Variants in STRC observed in about 807,000 individuals in gnomAD.
The protein encoded by STRC is stereocilin.
STRC carries 43 observed loss-of-function variants against 103.5 expected under a neutral mutation model. The observed-to-expected ratio is 0.42, with a 90% CI of 0.33 to 0.54. The LOEUF is 0.54. STRC is among the 20% of genes least tolerant of loss of function. The pLI is 0.14. For synonymous variants in STRC, 186 were observed against 442.3 expected, an observed-to-expected ratio of 0.42 and a Z score of 7.27; for missense variants, 499 against 1,088.5, an observed-to-expected ratio of 0.46 and a Z score of 7.62.
chr15:43,601,685 A>G, intron 23 of STRC, 134 bp from the exon 24 acceptor site: 2 of 920,748 alleles, frequency 2.2e-6, no homozygotes, highest in South Asian at 1.4e-5. Context: ...AGTTTCCTCC[A>G]CTATAAAATG....
chr15:43,600,381 T>C (rs1325393725), intron 26 of STRC, 88 bp from the exon 27 acceptor site: 1 of 1,017,444 alleles, frequency 9.8e-7, no homozygotes, highest in African/African-American at 1.6e-5. Context: ...ACTCCCAAAG[T>C]GCCCTATCAT....
At chr15:43,603,481 AGAGT>A (rs1272491351) in intron 22 of STRC, 70 bp from the exon 23 acceptor site, 3 of 1,520,292 alleles carry the variant, frequency 2.0e-6, no homozygotes, top group Non-Finnish European at 2.7e-6. Flanking sequence ...ATCTGTAGAT[AGAGT>A]GAGTCTTCCA....
chr15:43,609,469 C>T, intron 15 of STRC, 135 bp from the exon 16 acceptor site: 2 of 739,014 alleles, frequency 2.7e-6, no homozygotes, highest in Non-Finnish European at 4.8e-6. Context: ...CTCCCACTCT[C>T]CCAGATGCCC....
Position 43,614,330 on chromosome 15 carries a change from TG to T in STRC, c.2197-19del, listed in dbSNP as rs754806691. On this transcript the variant is annotated intron_variant, in intron 5 of 28. Coordinates refer to ENST00000450892, the MANE Select transcript of STRC (RefSeq NM_153700.2). ...AGGTACGCCTGCGAATAGGAGGTCA[TG>T]GTGGGTATGGCCTCACCTCACGGGG... 2.3e-5 allele frequency: 9 copies of T among 384,278 alleles called. 3 individuals are homozygous for T. The highest frequency in any genetic ancestry group is 2.0e-4 in the South Asian group (9 of 44,000). 23.8% of individuals were successfully genotyped at this position (384,278 alleles called of 1,614,324 possible). A position where few individuals can be genotyped will look rare whatever the true frequency, so the allele number is the denominator to read the frequency against.
intron 26 of STRC, 96 bp from the exon 27 acceptor site, chr15:43,600,389 C>G: frequency 8.2e-7 from 1 of 1,226,556 alleles, no homozygotes; most frequent in South Asian, 1.3e-5. Flanking sequence ...AGTGCCCTAT[C>G]ATAGACCTTC....
rs2085651141 is a variant in STRC at position 43,599,856 on chromosome 15, C to G, written c.5240-96G>C. 1.4e-5 allele frequency: 8 copies of G among 584,958 alleles called. No homozygotes were observed. In the Middle Eastern group the frequency reaches 3.0e-3, roughly 217 times the overall value. 36.2% of individuals were successfully genotyped at this position (584,958 alleles called of 1,614,324 possible). A position where few individuals can be genotyped will look rare whatever the true frequency, so the allele number is the denominator to read the frequency against. On this transcript the variant is annotated intron_variant, in intron 28 of 28. Coordinates refer to ENST00000450892, the MANE Select transcript of STRC (RefSeq NM_153700.2). ...CGCTCTGCCTGTAGACTCCTTCACTCCAGGGATCTCCCTGGGTGCACTCTA... is the reference window on the plus strand; with the variant it reads ...CGCTCTGCCTGTAGACTCCTTCACTGCAGGGATCTCCCTGGGTGCACTCTA...
rs937245494 is a variant in STRC at position 43,602,982 on chromosome 15, T to G, written c.4545+260A>C. 9.9e-5 allele frequency among the ~76,000 whole-genome samples: 15 copies of G among 151,604 alleles called. 1 individual carries two copies. Among genetic ancestry groups the G allele is most frequent in the African/African-American group, 3.6e-4 (15 of 41,214 alleles). On this transcript the variant is annotated intron_variant, in intron 23 of 28. Coordinates refer to ENST00000450892, the MANE Select transcript of STRC (RefSeq NM_153700.2). ...TATTTTTTTAAGAAAGAAAAAAAAA[T>G]AAAGAAAAAAATCTGTTCCCTTGAT...
At chr15:43,603,617 G>A (rs2085690130) in intron 22 of STRC, 2 of 663,860 alleles carry the variant, frequency 3.0e-6, no homozygotes, top group Non-Finnish European at 5.2e-6. Context: ...TTTTATAGAT[G>A]GAAGACTGAG....
rs887672408 is a variant in STRC, at chr15:43,611,202, A to T, written c.3252T>A (p.Pro1084=). The T allele has an allele frequency of 8.5e-7, 1 of 1,181,432 alleles. No homozygotes were observed. The highest frequency in any genetic ancestry group is 1.5e-5 in the African/African-American group (1 of 64,780). The allele number at this position is 1,181,432 out of a possible 1,614,324, so 73.2% of individuals were successfully genotyped here. Residue 1084 remains proline (P), a synonymous_variant, in exon 13 of 29, where the codon CCT becomes CCA. Transcript: ENST00000450892. The part of the protein sequence containing the change: ...VLVGACSCLA[P]ELSRLSACQT... ...GGCAGGCTGAGAGGCGTGACAGTTC[A>T]GGGGCCAGGCAGGAACAAGCCCCGA...
At chr15:43,608,748 C>G (rs1389692932) in intron 16 of STRC, among the ~76,000 whole-genome samples, 1 of 141,268 alleles carries the variant, frequency 7.1e-6, no homozygotes, top group East Asian at 2.1e-4. Flanking sequence ...AAAAAAGATT[C>G]TGAAGCCCAT....
Position 43,601,400 on chromosome 15 carries a change from G to C in STRC, c.4697C>G (p.Thr1566Ser). The change falls in exon 24 of 29, where the codon ACT becomes AGT. Residue 1566 changes from threonine (T) to serine (S), a missense_variant. Physicochemically the swap from Thr to Ser is moderately conservative, Grantham distance 58. Transcript: ENST00000450892. ...TLGQIDGWST[T>S]QLRIVVSSFL... ...AGGGAGGAGGAAAAGTGTTACCTGA[G>C]TGGTGCTCCAGCCATCTATCTGCCC... 2 of 1,613,410 alleles carry C rather than the reference G, an allele frequency of 1.2e-6. No individual in the cohort carries two copies. Among genetic ancestry groups the C allele is most frequent in the African/African-American group, 1.3e-5 (1 of 74,946 alleles).
At chr15:43,602,932 G>A (rs1030304779) in intron 23 of STRC, among the ~76,000 whole-genome samples, 11 of 151,080 alleles carry the variant, frequency 7.3e-5, no homozygotes, top group Non-Finnish European at 1.0e-4. Flanking sequence ...GGCGTGAGCC[G>A]CTGCACCCAG....
chr15:43,607,020 A>G (rs2085715352), intron 18 of STRC, among the ~76,000 whole-genome samples: 1 of 150,608 alleles, frequency 6.6e-6, no homozygotes, highest in Non-Finnish European at 1.5e-5. Flanking sequence ...AAAAAGAAAA[A>G]AAAGAAAAAA....
intron 22 of STRC, 183 bp from the exon 23 acceptor site, chr15:43,603,594 G>A (rs1244629751): frequency 2.8e-6 from 2 of 725,266 alleles, no homozygotes; most frequent in African/African-American, 3.5e-5. Flanking sequence ...GAAGTGATTG[G>A]AGATGCCAAG....
At position 43,609,330 on chromosome 15, in the gene STRC, T is replaced by C. The variant is rs1294542942; in HGVS notation, c.3503A>G (p.Gln1168Arg). 2 of 1,608,740 alleles carry C rather than the reference T, an allele frequency of 1.2e-6. No individual in the cohort carries two copies. The highest frequency in any genetic ancestry group is 1.7e-5 in the Admixed American group (1 of 59,838). The part of the protein sequence containing the change: ...WELPWSEQQA[Q>R]FLWKKMQVPT... ...TACTTGCATCTTCTTCCAGAGAAAC[T>C]GTGCCTACAAGAGAAAGAAAGACGA... The change falls in exon 16 of 29, where the codon CAG becomes CGG. Residue 1168 changes from glutamine (Q) to arginine (R), a missense_variant. Coordinates refer to ENST00000450892, the MANE Select transcript of STRC (RefSeq NM_153700.2).
rs1190693958 is a variant in STRC at position 43,604,169 on chromosome 15, A to G, written c.4219-17T>C. 6 of 1,608,750 alleles carry G rather than the reference A, an allele frequency of 3.7e-6. No individual in the cohort carries two copies. The East Asian group carries it at 8.9e-5, about 24-fold the overall frequency. ...CAAGGCCTCCTGCATGAGAAGGTAGAAGGAGAGTGGGGAGATCTGGACAGA... is the reference window on the plus strand; with the variant it reads ...CAAGGCCTCCTGCATGAGAAGGTAGGAGGAGAGTGGGGAGATCTGGACAGA... On this transcript the variant is annotated splice_polypyrimidine_tract_variant and intron_variant, in intron 21 of 28. Coordinates refer to ENST00000450892, the MANE Select transcript of STRC (RefSeq NM_153700.2).
At chr15:43,600,409 T>C in intron 26 of STRC, 116 bp from the exon 27 acceptor site, 1 of 1,443,752 alleles carries the variant, frequency 6.9e-7, no homozygotes, top group Non-Finnish European at 9.6e-7. Context: ...CCCCAATATG[T>C]CTCTAGCCCC....
chr15:43,603,918 A>G lies in STRC; in HGVS notation c.4375+78T>C. 1.9e-6 allele frequency: 3 copies of G among 1,607,826 alleles called. 1 individual carries two copies. The highest frequency in any genetic ancestry group is 2.2e-5 in the South Asian group (2 of 90,056). On this transcript the variant is annotated intron_variant, in intron 22 of 28. Coordinates refer to ENST00000450892, the MANE Select transcript of STRC (RefSeq NM_153700.2). Reference sequence around the variant, plus strand: ...TAAATTAGAAAACCCAGTCCCAGGGAAGAGCACATGTAGAACCCAGACCGT... The same window carrying G: ...TAAATTAGAAAACCCAGTCCCAGGGGAGAGCACATGTAGAACCCAGACCGT...
At chr15:43,604,239 T>C in intron 21 of STRC, 87 bp from the exon 22 acceptor site, 1 of 1,597,948 alleles carries the variant, frequency 6.3e-7, no homozygotes, top group Non-Finnish European at 8.5e-7. Flanking sequence ...CCTGTCTCTG[T>C]TTTGCAGTCT....
Sources: gnomAD v4.1 joint callset for allele counts (sites outside exome capture counted in the v4.1 genomes callset) on GRCh38, gnomAD v4.1.1 for gene constraint, MANE v1.5 for transcripts, NCBI Gene and HGNC (gene_info 2026-07-23, HGNC 2026-07-21) for gene names.